Variants in KIF21A observed in about 807,000 individuals in gnomAD.
The protein encoded by KIF21A is kinesin family member 21A.
In KIF21A, 114 loss-of-function variants were observed where a neutral mutation model predicts 202.9. That is an observed-to-expected ratio of 0.56 (90% CI 0.48 to 0.66). The LOEUF is 0.66. KIF21A is among the 30% of genes least tolerant of loss of function. The pLI is 0.00. For synonymous variants in KIF21A, 667 were observed against 670.8 expected, an observed-to-expected ratio of 0.99 and a Z score of 0.09; for missense variants, 1,677 against 1,994.9, an observed-to-expected ratio of 0.84 and a Z score of 3.04.
intron 11 of KIF21A, among the ~76,000 whole-genome samples, chr12:39,348,150 C>A (rs2138586706): frequency 6.6e-6 from 1 of 152,060 alleles, no homozygotes. Flanking sequence ...CCATTCCAAT[C>A]AATAGTTCAA....
Position 39,334,162 on chromosome 12 carries a change from C to T in KIF21A, c.2419-882G>A, listed in dbSNP as rs1276124632. Among the ~76,000 whole-genome samples, 9 of 135,962 alleles carry T rather than the reference C, an allele frequency of 6.6e-5. No individual in the cohort carries two copies. The South Asian group carries it at 6.7e-4, about 10-fold the overall frequency. The allele number at this position is 135,962 out of a possible 152,430, so 89.2% of individuals were successfully genotyped here. On this transcript the variant is annotated intron_variant, in intron 17 of 37. Coordinates refer to ENST00000361418, the MANE Select transcript of KIF21A (RefSeq NM_001173464.2). ...GCTGCAGTGAGCCAAGACTGTGCCA[C>T]TGCACACCAGCCTGGAGGACACAGT...
intron 31 of KIF21A, among the ~76,000 whole-genome samples, chr12:39,314,714 C>T (rs559996636): frequency 5.9e-5 from 9 of 151,772 alleles, no homozygotes; most frequent in Non-Finnish European, 1.2e-4. Context: ...AAATGTTTCC[C>T]TGATGATGTA....
At chr12:39,402,613 T>G (rs1313812609) in intron 1 of KIF21A, among the ~76,000 whole-genome samples, 1 of 152,150 alleles carries the variant, frequency 6.6e-6, no homozygotes, top group Non-Finnish European at 1.5e-5. Context: ...TACTTAGAAT[T>G]TAATTTTACC....
chr12:39,423,501 A>G (rs1954478641), intron 1 of KIF21A, among the ~76,000 whole-genome samples: 1 of 151,880 alleles, frequency 6.6e-6, no homozygotes, highest in Non-Finnish European at 1.5e-5. Flanking sequence ...TACATTCAAC[A>G]ACACAATTCC....
Position 39,367,122 on chromosome 12 carries a change from C to T in KIF21A, c.643G>A (p.Ala215Thr). The T allele has an allele frequency of 1.2e-6, 2 of 1,613,874 alleles. No homozygotes were observed. The highest frequency in any genetic ancestry group is 1.7e-6 in the Non-Finnish European group (2 of 1,179,834). ...LKLGALSRTT[A>T]STQMNVQSSR... ...CTCTGAACATTCATCTGGGTACTGG[C>T]AGTTGTCCGGGATAAAGCACCCAAC... The change falls in exon 5 of 38, where the codon GCC (alanine) becomes ACC (threonine). Residue 215 changes from alanine (A) to threonine (T), a missense_variant. Transcript: ENST00000361418.
chr12:39,295,513 A>C (rs1285065680), intron 37 of KIF21A, among the ~76,000 whole-genome samples: 1 of 152,132 alleles, frequency 6.6e-6, no homozygotes, highest in Non-Finnish European at 1.5e-5. Flanking sequence ...TCTAGAACCC[A>C]GGCTTTCTAG....
chr12:39,376,216 T>C (rs532651100), intron 1 of KIF21A, among the ~76,000 whole-genome samples: 6 of 152,270 alleles, frequency 3.9e-5, no homozygotes, highest in Admixed American at 1.3e-4. Context: ...CTTACAGATA[T>C]ACACACATAC....
intron 1 of KIF21A, among the ~76,000 whole-genome samples, chr12:39,399,317 T>C (rs1325935669): frequency 6.6e-6 from 1 of 152,222 alleles, no homozygotes; most frequent in Non-Finnish European, 1.5e-5. Context: ...TATGCCATTT[T>C]ATGTAAGGGA....
chr12:39,325,513 T>TATTTTA (rs1945794057), intron 26 of KIF21A, among the ~76,000 whole-genome samples: 1 of 148,932 alleles, frequency 6.7e-6, no homozygotes, highest in African/African-American at 2.5e-5. Context: ...TTTTTTTTTT[T>TATTTTA]TTTGTATTTT....
intron 31 of KIF21A, among the ~76,000 whole-genome samples, chr12:39,312,977 A>G (rs1944176789): frequency 6.6e-6 from 1 of 151,974 alleles, no homozygotes. Flanking sequence ...GGACAAATAT[A>G]AGGATAAAGG....
intron 1 of KIF21A, among the ~76,000 whole-genome samples, chr12:39,383,545 C>A (rs1288995214): frequency 6.6e-6 from 1 of 152,138 alleles, no homozygotes; most frequent in Non-Finnish European, 1.5e-5. Context: ...GTAAGTTAAC[C>A]AGGCTAGCCA....
intron 31 of KIF21A, chr12:39,312,433 G>T (rs1944125323): frequency 6.6e-6 from 1 of 151,754 alleles, no homozygotes; most frequent in South Asian, 2.1e-4. Flanking sequence ...ATAATAGAAA[G>T]AATAAAGTAA....
chr12:39,408,413 G>A (rs943784604), intron 1 of KIF21A, among the ~76,000 whole-genome samples: 1 of 152,180 alleles, frequency 6.6e-6, no homozygotes, highest in Middle Eastern at 3.4e-3. Flanking sequence ...CTGTGTGCCT[G>A]GTTCCTAGCA....
Position 39,370,055 on chromosome 12 carries a change from A to C in KIF21A, c.251T>G (p.Val84Gly). The C allele has an allele frequency of 1.9e-6, 3 of 1,613,250 alleles. No individual in the cohort carries two copies. The highest frequency in any genetic ancestry group is 2.5e-6 in the Non-Finnish European group (3 of 1,179,364). ...GGCACTTACTTGTCCATAAGCAAAA[A>C]CTGTAGCATTGTATCCTTCAAAGCA... ...EGCFEGYNAT[V>G]FAYGQTGAGK... is the part of the protein sequence containing the mutation. The change falls in exon 2 of 38, where the codon GTT becomes GGT. Residue 84 changes from valine (V) to glycine (G), a missense_variant. Physicochemically the swap from Val to Gly is moderately radical, Grantham distance 109. Transcript: ENST00000361418.
At chr12:39,335,061 TA>T (rs1160209131) in intron 17 of KIF21A, among the ~76,000 whole-genome samples, 2 of 151,972 alleles carry the variant, frequency 1.3e-5, no homozygotes, top group South Asian at 4.2e-4. Flanking sequence ...TATATAACCA[TA>T]AAAAAAGAAT....
chr12:39,319,885 T>TA, intron 28 of KIF21A, 21 bp downstream of exon 28: 1 of 1,365,936 alleles, frequency 7.3e-7, no homozygotes, highest in Non-Finnish European at 1.0e-6. Flanking sequence ...GTCTAGCAGG[T>TA]AAAAAACATT....
intron 17 of KIF21A, among the ~76,000 whole-genome samples, chr12:39,334,211 AAAAAAAAAAG>A (rs1425762293): frequency 6.6e-6 from 1 of 151,288 alleles, no homozygotes; most frequent in East Asian, 1.9e-4. Flanking sequence ...AAAAAAAAAA[AAAAAAAAAAG>A]AAAGAAAGAA....
intron 1 of KIF21A, among the ~76,000 whole-genome samples, chr12:39,373,230 C>T (rs578174228): frequency 1.8e-4 from 28 of 152,258 alleles, no homozygotes; most frequent in African/African-American, 6.3e-4. Flanking sequence ...CACTAGTAGC[C>T]GTGGTGATGG....
intron 3 of KIF21A, among the ~76,000 whole-genome samples, chr12:39,369,443 G>C (rs550972526): frequency 1.3e-5 from 2 of 152,212 alleles, no homozygotes; most frequent in East Asian, 3.9e-4. Flanking sequence ...CTGGGTGACA[G>C]AATGAGACTC....
Sources: allele counts gnomAD v4.1 joint callset (sites outside exome capture counted in the v4.1 genomes callset), GRCh38; gene constraint gnomAD v4.1.1; transcripts MANE v1.5; gene names NCBI Gene and HGNC (gene_info 2026-07-23, HGNC 2026-07-21).